The following C12orf42 variants were observed in gnomAD, a reference collection of about 807,000 sequenced individuals.
C12orf42 encodes the protein uncharacterized protein C12orf42.
C12orf42 carries 25 observed loss-of-function variants against 21.6 expected under a neutral mutation model. That is an observed-to-expected ratio of 1.16 (90% CI 0.84 to 1.62). The LOEUF is 1.62. Among genes scored for constraint, C12orf42 ranks in the 40% most tolerant of loss-of-function variants. The probability of loss-of-function intolerance (pLI) is 0.00; values close to 1 mark genes in which losing one functional copy is unlikely to be tolerated. For missense variants in C12orf42, 483 were observed against 459.3 expected, an observed-to-expected ratio of 1.05 and a Z score of -0.47; for synonymous variants, 174 against 175.0, an observed-to-expected ratio of 0.99 and a Z score of 0.05.
At chr12:103,199,958 A>T in the C12orf42 span, among the ~76,000 whole-genome samples, 1 of 152,232 alleles carries the variant, frequency 6.6e-6, no homozygotes, top group Non-Finnish European at 1.5e-5. Context: ...CAACCGTATG[A>T]TCCAGGAATT....
intron 5 of C12orf42, among the ~76,000 whole-genome samples, chr12:103,275,465 C>T (rs1017232996): frequency 1.3e-5 from 2 of 152,002 alleles, no homozygotes; most frequent in African/African-American, 4.8e-5. Flanking sequence ...CCTCTCTCTC[C>T]CCTCCAAAAA....
At chr12:103,438,736 C>T (rs1006279739) in intron 2 of C12orf42, among the ~76,000 whole-genome samples, 161 of 152,010 alleles carry the variant, frequency 1.1e-3, no homozygotes, top group African/African-American at 3.8e-3. Flanking sequence ...AACTACAAAC[C>T]ACTGCTCAAG....
chr12:103,490,134 G>A (rs903805261), intron 1 of C12orf42, among the ~76,000 whole-genome samples: 17 of 152,142 alleles, frequency 1.1e-4, no homozygotes, highest in Non-Finnish European at 1.9e-4. Flanking sequence ...CCTACACTAG[G>A]ATCCCAGCTT....
At chr12:103,133,211 G>C in the C12orf42 span, among the ~76,000 whole-genome samples, 2 of 152,090 alleles carry the variant, frequency 1.3e-5, no homozygotes, top group African/African-American at 4.8e-5. Context: ...AGGGCCTAGG[G>C]ACTGGCCTGC....
At chr12:103,285,979 C>A (rs2036428987) in intron 4 of C12orf42, among the ~76,000 whole-genome samples, 1 of 152,202 alleles carries the variant, frequency 6.6e-6, no homozygotes, top group African/African-American at 2.4e-5. Flanking sequence ...GGCGTGGTGG[C>A]TCACGCCTGT....
At chr12:103,482,124 G>A (rs564282287) in intron 1 of C12orf42, among the ~76,000 whole-genome samples, 1 of 152,010 alleles carries the variant, frequency 6.6e-6, no homozygotes, top group African/African-American at 2.4e-5. Context: ...CTATTATTTT[G>A]ATTTATGCAC....
the C12orf42 span, among the ~76,000 whole-genome samples, chr12:103,186,967 T>C: frequency 6.6e-6 from 1 of 152,202 alleles, no homozygotes; most frequent in Non-Finnish European, 1.5e-5. Context: ...GTATTTCAGA[T>C]TATGCTTTGT....
intron 2 of C12orf42, among the ~76,000 whole-genome samples, chr12:103,464,274 C>T (rs1267696751): frequency 1.3e-5 from 2 of 152,126 alleles, no homozygotes; most frequent in East Asian, 3.9e-4. Flanking sequence ...TTCTGACTGG[C>T]ATAAGATGGT....
At chr12:103,251,281 C>A (rs2034288092) in intron 10 of C12orf42, among the ~76,000 whole-genome samples, 1 of 152,062 alleles carries the variant, frequency 6.6e-6, no homozygotes, top group African/African-American at 2.4e-5. Context: ...TGCCTAGCTT[C>A]CAGAGATCTC....
At chr12:103,524,018 A>G in the C12orf42 span, among the ~76,000 whole-genome samples, 2 of 151,988 alleles carry the variant, frequency 1.3e-5, no homozygotes, top group African/African-American at 4.8e-5. Context: ...TCATTATCCA[A>G]CCCTTGCTCC....
At chr12:103,535,975 C>T in the C12orf42 span, among the ~76,000 whole-genome samples, 2 of 152,176 alleles carry the variant, frequency 1.3e-5, no homozygotes, top group Non-Finnish European at 2.9e-5. Flanking sequence ...GAGATGCTCT[C>T]TCGCTATGTT....
chr12:103,369,503 A>G (rs926826889), intron 3 of C12orf42, among the ~76,000 whole-genome samples: 2 of 151,896 alleles, frequency 1.3e-5, no homozygotes, highest in Non-Finnish European at 2.9e-5. Flanking sequence ...TGGAGTAGCC[A>G]TGTGAGATCT....
At chr12:103,392,810 G>C (rs1311729682) in intron 3 of C12orf42, among the ~76,000 whole-genome samples, 1 of 152,188 alleles carries the variant, frequency 6.6e-6, no homozygotes, top group Non-Finnish European at 1.5e-5. Context: ...CATGAGGAAA[G>C]GACGGGAAAT....
At chr12:103,105,579 A>T in the C12orf42 span, among the ~76,000 whole-genome samples, 4 of 152,142 alleles carry the variant, frequency 2.6e-5, no homozygotes, top group African/African-American at 7.2e-5. Context: ...CTGTACACCA[A>T]ATCTCAGCAC....
chr12:103,315,735 C>T (rs2039409799), intron 4 of C12orf42, among the ~76,000 whole-genome samples: 1 of 152,076 alleles, frequency 6.6e-6, no homozygotes, highest in East Asian at 1.9e-4. Context: ...AGAAAATTTA[C>T]AGGAGACATA....
chr12:103,266,462 T>G (rs893263927), downstream of C12orf42, among the ~76,000 whole-genome samples: 1 of 152,184 alleles, frequency 6.6e-6, no homozygotes, highest in Non-Finnish European at 1.5e-5. Context: ...CAGTCCCCTT[T>G]TTCTCTACAG....
At chr12:103,327,037 A>C (rs1218025543) in intron 4 of C12orf42, among the ~76,000 whole-genome samples, 2 of 152,230 alleles carry the variant, frequency 1.3e-5, no homozygotes, top group Admixed American at 6.5e-5. Flanking sequence ...CAGAATGCCC[A>C]AAGTAGGATA....
At chr12:103,306,688 A>G (rs2038369354) in intron 4 of C12orf42, among the ~76,000 whole-genome samples, 1 of 152,196 alleles carries the variant, frequency 6.6e-6, no homozygotes, top group African/African-American at 2.4e-5. Flanking sequence ...TTTGAGGCTT[A>G]TGGGTTGAAT....
At chr12:103,264,095 C>T (rs1404335651), downstream of C12orf42, among the ~76,000 whole-genome samples, 1 of 150,934 alleles carries the variant, frequency 6.6e-6, no homozygotes, top group Non-Finnish European at 1.5e-5. Context: ...AGAACACATC[C>T]TATCTTGGAC....
Sources: allele counts gnomAD v4.1 joint callset (sites outside exome capture counted in the v4.1 genomes callset), GRCh38; gene constraint gnomAD v4.1.1; transcripts MANE v1.5; gene names NCBI Gene and HGNC (gene_info 2026-07-23, HGNC 2026-07-21).